Variants in MAGI2 observed in about 807,000 individuals in gnomAD.
The protein encoded by MAGI2 is membrane-associated guanylate kinase, WW and PDZ domain-containing protein 2.
A neutral mutation model predicts 133.3 loss-of-function variants in MAGI2; 35 were observed. The observed-to-expected ratio is 0.26, with a 90% CI of 0.20 to 0.35. The LOEUF (loss-of-function observed/expected upper bound fraction) is 0.35, where lower values mean the gene tolerates loss of function less well. Among genes scored for constraint, MAGI2 ranks in the 10% least tolerant of loss-of-function variants. The pLI is 1.00. For missense variants in MAGI2, 1,636 were observed against 1,863.4 expected (o/e 0.88, Z 2.25); for synonymous variants, 729 against 710.6 (o/e 1.03, Z -0.41).
At chr7:79,282,661 A>T (rs1475137053) in intron 1 of MAGI2, among the ~76,000 whole-genome samples, 1 of 152,150 alleles carries the variant, frequency 6.6e-6, no homozygotes, top group East Asian at 1.9e-4. Context: ...GCTCATTAGA[A>T]GAGTCTCTCA....
At chr7:78,917,872 G>A (rs1020363584) in intron 2 of MAGI2, among the ~76,000 whole-genome samples, 21 of 152,258 alleles carry the variant, frequency 1.4e-4, no homozygotes, top group Non-Finnish European at 2.4e-4. Flanking sequence ...AAACAGAAGC[G>A]ATTCATAAGG....
chr7:79,352,354 A>G (rs1841748387), intron 1 of MAGI2, among the ~76,000 whole-genome samples: 1 of 152,148 alleles, frequency 6.6e-6, no homozygotes, highest in South Asian at 2.1e-4. Flanking sequence ...GACCACTTTG[A>G]AAACATTCTC....
At chr7:78,807,305 GTTA>G (rs528870377) in intron 2 of MAGI2, among the ~76,000 whole-genome samples, 164 of 152,186 alleles carry the variant, frequency 1.1e-3, no homozygotes, top group African/African-American at 3.8e-3. Flanking sequence ...CATTAAAACA[GTTA>G]TTATTCTATT....
chr7:78,763,408 T>C (rs867613733), intron 2 of MAGI2, among the ~76,000 whole-genome samples: 4 of 152,194 alleles, frequency 2.6e-5, no homozygotes, highest in African/African-American at 9.7e-5. Flanking sequence ...ACGTTTTCAC[T>C]TTTGAAATAA....
chr7:78,796,126 A>T (rs1461464189), intron 2 of MAGI2, among the ~76,000 whole-genome samples: 1 of 152,132 alleles, frequency 6.6e-6, no homozygotes, highest in Non-Finnish European at 1.5e-5. Flanking sequence ...AAGCAAAAAG[A>T]GACAAATGGG....
chr7:78,049,903 C>A (rs1447248828), intron 21 of MAGI2, among the ~76,000 whole-genome samples: 1 of 152,198 alleles, frequency 6.6e-6, no homozygotes, highest in Non-Finnish European at 1.5e-5. Context: ...CACCGATGAA[C>A]TTCAGAATTG....
intron 21 of MAGI2, among the ~76,000 whole-genome samples, chr7:78,061,424 A>G (rs1813253142): frequency 1.9e-5 from 2 of 106,840 alleles, no homozygotes; most frequent in Non-Finnish European, 4.6e-5. Flanking sequence ...ACACACACAC[A>G]CACACACACA....
At chr7:78,227,445 C>T (rs1563291317) in intron 10 of MAGI2, among the ~76,000 whole-genome samples, 3 of 152,244 alleles carry the variant, frequency 2.0e-5, no homozygotes, top group Admixed American at 1.3e-4. Flanking sequence ...GGACCTAGTC[C>T]ATCTCACCTC....
chr7:79,274,405 T>C (rs896124009), intron 1 of MAGI2, among the ~76,000 whole-genome samples: 2 of 151,940 alleles, frequency 1.3e-5, no homozygotes, highest in Non-Finnish European at 2.9e-5. Context: ...ATTTTTCAAA[T>C]TTATTAGATC....
intron 3 of MAGI2, among the ~76,000 whole-genome samples, chr7:78,612,852 A>G (rs1007955005): frequency 6.6e-6 from 1 of 151,858 alleles, no homozygotes; most frequent in Non-Finnish European, 1.5e-5. Context: ...TTGTATTTTT[A>G]GTAGAGACGG....
At chr7:78,896,404 T>C (rs1797215790) in intron 2 of MAGI2, among the ~76,000 whole-genome samples, 1 of 151,836 alleles carries the variant, frequency 6.6e-6, no homozygotes, top group Admixed American at 6.6e-5. Context: ...ATTAATCTGG[T>C]CGCTTAAACA....
At chr7:78,469,950 C>T (rs1791024064) in intron 6 of MAGI2, among the ~76,000 whole-genome samples, 1 of 152,102 alleles carries the variant, frequency 6.6e-6, no homozygotes, top group African/African-American at 2.4e-5. Context: ...AAGGAATAGT[C>T]AATAAATCTC....
At chr7:78,127,995 A>T (rs941378255) in intron 18 of MAGI2, among the ~76,000 whole-genome samples, 3 of 152,184 alleles carry the variant, frequency 2.0e-5, no homozygotes, top group Non-Finnish European at 4.4e-5. Flanking sequence ...TATAATCACC[A>T]ACTACAAACC....
chr7:78,780,771 C>A (rs1197013032), intron 2 of MAGI2, among the ~76,000 whole-genome samples: 1 of 152,186 alleles, frequency 6.6e-6, no homozygotes, highest in Non-Finnish European at 1.5e-5. Context: ...CAGTACCGGG[C>A]CATTAGGGAA....
At chr7:79,234,426 G>A (rs999985636) in intron 1 of MAGI2, among the ~76,000 whole-genome samples, 16 of 151,968 alleles carry the variant, frequency 1.1e-4, no homozygotes, top group African/African-American at 3.4e-4. Flanking sequence ...TCACTTTCAG[G>A]TACACCAATC....
At chr7:78,275,307 C>T (rs1395676167) in intron 9 of MAGI2, among the ~76,000 whole-genome samples, 2 of 152,186 alleles carry the variant, frequency 1.3e-5, no homozygotes, top group Non-Finnish European at 2.9e-5. Flanking sequence ...GTGAGATGAA[C>T]CAGGTACTTC....
intron 1 of MAGI2, among the ~76,000 whole-genome samples, chr7:79,320,523 T>C (rs1288968809): frequency 6.6e-6 from 1 of 152,126 alleles, no homozygotes; most frequent in African/African-American, 2.4e-5. Context: ...ATTTATCATA[T>C]TTGTTTATAT....
intron 6 of MAGI2, among the ~76,000 whole-genome samples, chr7:78,424,650 C>G (rs1799118706): frequency 6.6e-6 from 1 of 152,146 alleles, no homozygotes; most frequent in African/African-American, 2.4e-5. Context: ...GTGGAGCTGC[C>G]CAAGACCGTG....
chr7:78,020,012 A>C (rs1199926932), intron 21 of MAGI2, 36 bp from the exon 22 acceptor site: 2 of 1,551,864 alleles, frequency 1.3e-6, no homozygotes, highest in Non-Finnish European at 1.7e-6. Flanking sequence ...GCAGTGGCGC[A>C]CGCAGGACGT....
Sources: gnomAD v4.1 joint callset for allele counts (sites outside exome capture counted in the v4.1 genomes callset) on GRCh38, gnomAD v4.1.1 for gene constraint, MANE v1.5 for transcripts, NCBI Gene and HGNC (gene_info 2026-07-23, HGNC 2026-07-21) for gene names.